CARF: variants seen among roughly 807,000 people sequenced by gnomAD.
CARF encodes calcium-responsive transcription factor.
CARF carries 57 observed loss-of-function variants against 82.0 expected under a neutral mutation model. The observed-to-expected ratio is 0.70, with a 90% CI of 0.56 to 0.87. The LOEUF (loss-of-function observed/expected upper bound fraction) is 0.87. Ranked by LOEUF, CARF falls within the 40% of genes least tolerant of loss-of-function variation. The pLI is 0.00. For missense variants in CARF, 771 were observed against 855.8 expected (o/e 0.90, Z 1.24); for synonymous variants, 268 against 290.1 (o/e 0.92, Z 0.77).
chr2:202,944,361 T>G (rs1017324634), intron 5 of CARF, among the ~76,000 whole-genome samples: 2 of 152,168 alleles, frequency 1.3e-5, no homozygotes, highest in African/African-American at 4.8e-5. Context: ...CTACAATAAA[T>G]ATTTTATTAC....
intron 14 of CARF, among the ~76,000 whole-genome samples, chr2:202,978,314 A>T (rs2060115649): frequency 6.6e-6 from 1 of 152,176 alleles, no homozygotes; most frequent in Non-Finnish European, 1.5e-5. Flanking sequence ...GGAGGAAGCC[A>T]TATTGGGGTG....
chr2:202,973,759 A>G (rs1310385496), intron 12 of CARF, among the ~76,000 whole-genome samples: 2 of 152,228 alleles, frequency 1.3e-5, no homozygotes, highest in Admixed American at 1.3e-4. Context: ...TATTATACTT[A>G]AACTGAAAAT....
intron 14 of CARF, among the ~76,000 whole-genome samples, chr2:202,980,853 AG>A (rs2060234916): frequency 6.6e-6 from 1 of 151,618 alleles, no homozygotes; most frequent in African/African-American, 2.4e-5. Flanking sequence ...GAGGATTTAA[AG>A]TTTGTGGGAG....
chr2:202,942,482 C>G, intron 4 of CARF: 1 of 649,118 alleles, frequency 1.5e-6, no homozygotes, highest in Non-Finnish European at 1.9e-6. Flanking sequence ...ATTTTATATA[C>G]AGAGAAAAAT....
At chr2:202,932,552 C>A (rs1194224643) in intron 3 of CARF, among the ~76,000 whole-genome samples, 2 of 151,962 alleles carry the variant, frequency 1.3e-5, no homozygotes, top group Non-Finnish European at 2.9e-5. Context: ...CAATAGGGCT[C>A]GGTGGTAAGT....
chr2:202,965,630 C>T (rs1360439803), intron 9 of CARF, among the ~76,000 whole-genome samples: 3 of 151,968 alleles, frequency 2.0e-5, no homozygotes, highest in Non-Finnish European at 4.4e-5. Context: ...TTATAAAATG[C>T]TATTTCTCAC....
At chr2:202,922,204 C>T (rs543533128) in intron 2 of CARF, among the ~76,000 whole-genome samples, 3 of 152,162 alleles carry the variant, frequency 2.0e-5, no homozygotes, top group Admixed American at 2.0e-4. Context: ...GCCTCAATGT[C>T]CTGGGCTCAG....
At chr2:202,973,902 C>A (rs1168520280) in intron 12 of CARF, among the ~76,000 whole-genome samples, 1 of 151,744 alleles carries the variant, frequency 6.6e-6, no homozygotes, top group Non-Finnish European at 1.5e-5. Flanking sequence ...CCTAGTGAAA[C>A]ATAGTGAAAC....
At chr2:202,946,914 A>G (rs2058523289) in intron 5 of CARF, among the ~76,000 whole-genome samples, 1 of 152,224 alleles carries the variant, frequency 6.6e-6, no homozygotes, top group Admixed American at 6.5e-5. Context: ...CGCAAATCAA[A>G]ACCACGATGA....
intron 5 of CARF, 25 bp from the exon 6 acceptor site, chr2:202,952,534 A>ATTT: frequency 9.2e-6 from 12 of 1,302,666 alleles, no homozygotes; most frequent in East Asian, 2.8e-5. Flanking sequence ...TATGCATTTG[A>ATTT]TTTTTTTTTT....
intron 1 of CARF, among the ~76,000 whole-genome samples, chr2:202,913,719 C>T (rs539695868): frequency 9.2e-5 from 14 of 152,272 alleles, no homozygotes; most frequent in African/African-American, 3.4e-4. Context: ...TGAATCTGTA[C>T]TTACTGGTAA....
At chr2:202,943,048 C>A in intron 5 of CARF, 81 bp downstream of exon 5, 1 of 1,046,406 alleles carries the variant, frequency 9.6e-7, no homozygotes, top group Non-Finnish European at 1.4e-6. Context: ...AATTTCTTGA[C>A]ACTTTTGACT....
chr2:202,936,318 C>T (rs1693938368), intron 3 of CARF, among the ~76,000 whole-genome samples: 1 of 152,004 alleles, frequency 6.6e-6, no homozygotes. Context: ...AAATTAATCC[C>T]TTTAAAATGA....
intron 8 of CARF, among the ~76,000 whole-genome samples, chr2:202,959,745 G>A (rs1322061875): frequency 6.6e-6 from 1 of 151,720 alleles, no homozygotes; most frequent in African/African-American, 2.4e-5. Context: ...GGAGATGAAG[G>A]TTGCAGTGAG....
chr2:202,948,007 T>A (rs2058578956), intron 5 of CARF, among the ~76,000 whole-genome samples: 1 of 152,186 alleles, frequency 6.6e-6, no homozygotes, highest in Non-Finnish European at 1.5e-5. Context: ...AAATCTTTAG[T>A]CTATCTTGAG....
At chr2:202,981,933 T>G (rs1448472114) in intron 15 of CARF, 139 bp from the exon 16 acceptor site, 1 of 1,040,862 alleles carries the variant, frequency 9.6e-7, no homozygotes, top group Non-Finnish European at 1.4e-6. Context: ...TGATTCTTGT[T>G]TCTTTCTTCA....
At chr2:202,933,595 C>T (rs72926769) in intron 3 of CARF, among the ~76,000 whole-genome samples, 13,541 of 152,112 alleles carry the variant, frequency 0.089, 742 homozygotes, top group Non-Finnish European at 0.12. Context: ...TGGTGGAGGC[C>T]GGATGCTTCC....
chr2:202,982,542 TATG>T (rs1418853280), intron 16 of CARF, 101 bp downstream of exon 16: 41 of 1,313,040 alleles, frequency 3.1e-5, no homozygotes, highest in Non-Finnish European at 3.8e-5. Flanking sequence ...CCAGTGGGTC[TATG>T]ATATTATGTA....
intron 1 of CARF, among the ~76,000 whole-genome samples, chr2:202,915,178 G>A (rs1311559756): frequency 4.6e-5 from 7 of 150,684 alleles, no homozygotes; most frequent in African/African-American, 9.8e-5. Context: ...CACCATGCCC[G>A]GCTAATTTTT....
Sources: allele counts gnomAD v4.1 joint callset (sites outside exome capture counted in the v4.1 genomes callset), GRCh38; gene constraint gnomAD v4.1.1; transcripts MANE v1.5; gene names NCBI Gene and HGNC (gene_info 2026-07-23, HGNC 2026-07-21).